Variants in DZIP3 observed in about 807,000 individuals in gnomAD.
DZIP3 encodes E3 ubiquitin-protein ligase DZIP3.
A neutral mutation model predicts 162.0 loss-of-function variants in DZIP3; 118 were observed. The ratio of observed to expected loss-of-function variants is 0.73; its 90% confidence interval spans 0.63 to 0.85. DZIP3 has a LOEUF of 0.85. Among genes scored for constraint, DZIP3 ranks in the 40% least tolerant of loss-of-function variants. The probability of loss-of-function intolerance (pLI) is 0.00; values close to 1 mark genes in which losing one functional copy is unlikely to be tolerated. For missense variants in DZIP3, 1,331 were observed against 1,407.0 expected (o/e 0.95, Z 0.86); for synonymous variants, 438 against 458.6 (o/e 0.96, Z 0.57).
At position 108,634,866 on chromosome 3, in the gene DZIP3, TCCAGGGA is replaced by T; in HGVS notation, c.817-4_819del. 3 of 1,592,226 alleles carry T rather than the reference TCCAGGGA, an allele frequency of 1.9e-6. No individual in the cohort carries two copies. The highest frequency in any genetic ancestry group is 1.7e-5 in the Admixed American group (1 of 57,936). On this transcript the variant is annotated splice_acceptor_variant and splice_polypyrimidine_tract_variant and coding_sequence_variant and intron_variant, in exon 10 of 33. Coordinates refer to ENST00000361582, the MANE Select transcript of DZIP3 (RefSeq NM_014648.4). LOFTEE classifies it high-confidence loss of function. ...TATTGATAACTTACTTTTATTTTTT[TCCAGGGA>T]TTTTTTCAGTTAATGTGCAGTAAAA...
chr3:108,691,278 T>G (rs1944683999), intron 32 of DZIP3: 1 of 162,006 alleles, frequency 6.2e-6, no homozygotes. Flanking sequence ...AAAAGGGAAA[T>G]AGTAAAGAAG....
At chr3:108,662,730 C>T (rs1396872572) in intron 21 of DZIP3, among the ~76,000 whole-genome samples, 1 of 152,132 alleles carries the variant, frequency 6.6e-6, no homozygotes, top group Admixed American at 6.6e-5. Context: ...CCCCCTTACC[C>T]CAATCTCTTT....
chr3:108,631,457 G>A (rs1052417953), intron 8 of DZIP3, among the ~76,000 whole-genome samples: 1 of 151,626 alleles, frequency 6.6e-6, no homozygotes, highest in Admixed American at 6.6e-5. Context: ...GTTCACTGCA[G>A]CCTCAACCTC....
At chr3:108,622,527 G>A (rs1358203831) in intron 5 of DZIP3, among the ~76,000 whole-genome samples, 1 of 152,098 alleles carries the variant, frequency 6.6e-6, no homozygotes, top group African/African-American at 2.4e-5. Flanking sequence ...GATGCTAATG[G>A]ATGTCCATCG....
At chr3:108,660,028 A>G (rs1232853817) in intron 19 of DZIP3, among the ~76,000 whole-genome samples, 1 of 152,244 alleles carries the variant, frequency 6.6e-6, no homozygotes, top group Non-Finnish European at 1.5e-5. Flanking sequence ...GCTCATGGGT[A>G]GGAAGAATCA....
chr3:108,654,480 G>A, intron 19 of DZIP3, 170 bp downstream of exon 19: 2 of 638,462 alleles, frequency 3.1e-6, no homozygotes, highest in African/African-American at 1.9e-5. Context: ...ATAGAATAAG[G>A]AAAAAAAAGA....
At position 108,625,944 on chromosome 3, in the gene DZIP3, G is replaced by A. The variant is rs200352700; in HGVS notation, c.556G>A (p.Gly186Ser). The A allele has an allele frequency of 2.0e-5, 32 of 1,613,310 alleles. No homozygotes were observed. In the African/African-American group the frequency reaches 4.0e-4, roughly 20 times the overall value. Residue 186 changes from glycine to serine, a missense_variant, in exon 7 of 33, where the codon GGT becomes AGT. By Grantham distance (56) the Gly-to-Ser change is moderately conservative. This residue lies in a region of DZIP3 where 1,278 missense variants were observed against 1,317.1 expected (regional missense o/e 0.97). Coordinates refer to ENST00000361582, the MANE Select transcript of DZIP3 (RefSeq NM_014648.4). The part of the protein sequence containing the change: ...NFMSLVYFGR[G>S]LLRCAQKRYN... The stretch of plus-strand genomic sequence containing the variant: ...TATGTCTTTAGTTTATTTTGGACGT[G>A]GTTTACTGCGATGTGCTCAAAAGAG...
intron 7 of DZIP3, 83 bp from the exon 8 acceptor site, chr3:108,628,979 A>G: frequency 1.2e-6 from 1 of 814,004 alleles, no homozygotes; most frequent in Non-Finnish European, 1.9e-6. Flanking sequence ...TACCACAAAA[A>G]AAGGGTTATT....
intron 29 of DZIP3, 67 bp downstream of exon 29, chr3:108,688,163 A>G: frequency 6.4e-7 from 1 of 1,569,156 alleles, no homozygotes; most frequent in Non-Finnish European, 8.7e-7. Flanking sequence ...TAACTGTTTT[A>G]AATATCTCCA....
At chr3:108,612,435 A>G (rs1467840141) in intron 4 of DZIP3, among the ~76,000 whole-genome samples, 2 of 152,178 alleles carry the variant, frequency 1.3e-5, no homozygotes, top group African/African-American at 2.4e-5. Context: ...TTTCCCTCTT[A>G]TCTTTTGGAA....
chr3:108,602,707 A>G (rs1313620664), intron 1 of DZIP3: 1 of 152,108 alleles, frequency 6.6e-6, no homozygotes, highest in South Asian at 2.1e-4. Flanking sequence ...TTATTTTAGC[A>G]GCTCAGTGGT....
chr3:108,689,922 T>G (rs1944629521), intron 31 of DZIP3, among the ~76,000 whole-genome samples: 1 of 152,204 alleles, frequency 6.6e-6, no homozygotes, highest in Non-Finnish European at 1.5e-5. Context: ...AAGACATCAT[T>G]TCAAAGATAT....
chr3:108,661,989 T>C lies in DZIP3; in HGVS notation c.2295+17T>C, dbSNP rs1057509561. On this transcript the variant is annotated intron_variant, in intron 20 of 32. Transcript: ENST00000361582. ...CAGTGTGAAGTAAGTATTTTTGCCA[T>C]TAGATCTGATGGAAGTGAGAAGTAT... 1 of 1,608,804 alleles carries C rather than the reference T, an allele frequency of 6.2e-7. No homozygotes were observed. Among genetic ancestry groups the C allele is most frequent in the African/African-American group, 1.3e-5 (1 of 74,766 alleles).
intron 7 of DZIP3, among the ~76,000 whole-genome samples, chr3:108,627,784 T>G (rs575403645): frequency 1.5e-4 from 23 of 152,318 alleles, no homozygotes; most frequent in Admixed American, 4.6e-4. Context: ...GCAATTCTTA[T>G]GATTAACAAG....
rs372897617 is a variant in DZIP3 at position 108,595,342 on chromosome 3, T to G, written c.-73+5503T>G. ...CAAGTAATCCTCCCACTTTAGCCTC[T>G]GAGTAGCTGGGACTACAGGCATGCA... On this transcript the variant is annotated intron_variant, in intron 1 of 32. Coordinates refer to ENST00000361582, the MANE Select transcript of DZIP3 (RefSeq NM_014648.4). 7.9e-5 allele frequency among the ~76,000 whole-genome samples: 12 copies of G among 152,094 alleles called. No individual in the cohort carries two copies. The South Asian group carries it at 2.5e-3, about 31-fold the overall frequency.
Position 108,647,943 on chromosome 3 carries a change from G to A in DZIP3, c.1793G>A (p.Arg598His). ...TGAGAATTTTGTCTTTTATGTTTAGGTATTGAAATAGAAGAGTTACAGAAT... is the reference window on the plus strand; with the variant it reads ...TGAGAATTTTGTCTTTTATGTTTAGATATTGAAATAGAAGAGTTACAGAAT... ...IALQSITGSQ[R>H]IEIEELQNEE... The change falls in exon 16 of 33, where the codon CGT (arginine) becomes CAT (histidine). Residue 598 changes from arginine (R) to histidine (H), a missense_variant and splice_region_variant. Arg to His is a conservative substitution (Grantham distance 29). Transcript: ENST00000361582. 6.5e-7 allele frequency: 1 copy of A among 1,530,292 alleles called. No individual in the cohort carries two copies. The highest frequency in any genetic ancestry group is 8.7e-7 in the Non-Finnish European group (1 of 1,144,682). 94.8% of individuals were successfully genotyped at this position (1,530,292 alleles called of 1,614,324 possible).
intron 27 of DZIP3, among the ~76,000 whole-genome samples, chr3:108,685,329 G>A (rs1050268756): frequency 3.9e-5 from 6 of 152,082 alleles, no homozygotes; most frequent in African/African-American, 1.4e-4. Flanking sequence ...CTGGGGTAAA[G>A]CTTGACATAG....
intron 21 of DZIP3, among the ~76,000 whole-genome samples, chr3:108,664,291 A>G (rs1052319944): frequency 6.6e-6 from 1 of 152,200 alleles, no homozygotes; most frequent in East Asian, 1.9e-4. Flanking sequence ...GACAATACCC[A>G]CCGTACTGCA....
intron 4 of DZIP3, among the ~76,000 whole-genome samples, chr3:108,613,165 A>G (rs1386013097): frequency 6.6e-6 from 1 of 152,180 alleles, no homozygotes; most frequent in Non-Finnish European, 1.5e-5. Flanking sequence ...ATGGAATAGT[A>G]CATGTAGGAA....
Sources: gnomAD v4.1 joint callset for allele counts (sites outside exome capture counted in the v4.1 genomes callset) on GRCh38, gnomAD v4.1.1 for gene constraint, gnomAD v4.1.1 regional missense constraint, MANE v1.5 for transcripts, NCBI Gene and HGNC (gene_info 2026-07-23, HGNC 2026-07-21) for gene names.